ANGPTL1: variants seen among roughly 807,000 people sequenced by gnomAD.
The protein encoded by ANGPTL1 is angiopoietin like 1.
A neutral mutation model predicts 46.7 loss-of-function variants in ANGPTL1; 36 were observed. The ratio of observed to expected loss-of-function variants is 0.77; its 90% confidence interval spans 0.59 to 1.02. The LOEUF is 1.02. ANGPTL1 is among the 50% of genes least tolerant of loss of function. The probability of loss-of-function intolerance (pLI) is 0.00; values close to 1 mark genes in which losing one functional copy is unlikely to be tolerated. For missense variants in ANGPTL1, 571 were observed against 594.7 expected (o/e 0.96, Z 0.41); for synonymous variants, 221 against 204.3 (o/e 1.08, Z -0.69).
At chr1:178,862,827 T>G (rs907691678) in intron 3 of ANGPTL1, among the ~76,000 whole-genome samples, 10 of 152,108 alleles carry the variant, frequency 6.6e-5, no homozygotes, top group African/African-American at 2.2e-4. Flanking sequence ...CTAAGCAAAT[T>G]GGACTTTTTC....
intron 1 of ANGPTL1, among the ~76,000 whole-genome samples, chr1:178,869,470 G>C (rs2102347552): frequency 6.6e-6 from 1 of 152,160 alleles, no homozygotes; most frequent in African/African-American, 2.4e-5. Context: ...TGTGTAATTT[G>C]GGGTTCAGAT....
rs1345612705 is a variant in ANGPTL1 at position 178,853,694 on chromosome 1, T to G, written c.917A>C (p.Gln306Pro). The change falls in exon 4 of 6, where the codon CAG becomes CCG. Residue 306 changes from glutamine (Q) to proline (P), a missense_variant. Physicochemically the swap from Gln to Pro is moderately conservative, Grantham distance 76. Transcript: ENST00000234816. ...GTCCAAACTGTTTTCACACCATAAC[T>G]GCATTGGTCCATTGCTGTTTTCAGG... Reference protein sequence around the residue: ...IKPENSNGPMQLWCENSLDPG... With the variant: ...IKPENSNGPMPLWCENSLDPG... The G allele has an allele frequency of 1.2e-6, 2 of 1,613,074 alleles. No homozygotes were observed. Among genetic ancestry groups the G allele is most frequent in the Non-Finnish European group, 1.7e-6 (2 of 1,179,500 alleles).
At chr1:178,859,976 C>G (rs1320058186) in intron 3 of ANGPTL1, among the ~76,000 whole-genome samples, 1 of 151,950 alleles carries the variant, frequency 6.6e-6, no homozygotes, top group Admixed American at 6.6e-5. Flanking sequence ...CTCGGCTACA[C>G]AAAGCACTTC....
At position 178,851,228 on chromosome 1, in the gene ANGPTL1, A is replaced by G. The variant is rs1312038094; in HGVS notation, c.1377T>C (p.His459=). 1 of 1,613,996 alleles carries G rather than the reference A, an allele frequency of 6.2e-7. No homozygotes were observed. The highest frequency in any genetic ancestry group is 8.5e-7 in the Non-Finnish European group (1 of 1,179,928). ...NLNGVWYRGG[H]YRSKHQDGIF... is the part of the protein sequence containing the mutation. ...TTCCATCTTGGTGCTTGCTTCTGTA[A>G]TGGCCTCCTCTGTACCATACTCCAT... The change falls in exon 6 of 6, where the codon CAT becomes CAC. Residue 459 remains histidine, a synonymous_variant. Transcript: ENST00000234816.
At chr1:178,851,920 C>A (rs373416909) in intron 5 of ANGPTL1, among the ~76,000 whole-genome samples, 4 of 151,952 alleles carry the variant, frequency 2.6e-5, no homozygotes, top group African/African-American at 9.7e-5. Flanking sequence ...TGTATCAGGA[C>A]GAGAAGAAAC....
intron 2 of ANGPTL1, among the ~76,000 whole-genome samples, chr1:178,866,321 AT>A (rs1203481228): frequency 1.3e-5 from 2 of 152,308 alleles, no homozygotes; most frequent in East Asian, 3.9e-4. Context: ...TCTGTAATAA[AT>A]TATGTCATCT....
chr1:178,865,349 C>T lies in ANGPTL1; in HGVS notation c.428G>A (p.Arg143His), dbSNP rs183228072. 11 of 1,614,022 alleles carry T rather than the reference C, an allele frequency of 6.8e-6. No homozygotes were observed. Among genetic ancestry groups the T allele is most frequent in the African/African-American group, 5.3e-5 (4 of 75,034 alleles). Reference sequence around the variant, plus strand: ...AAGTTCAAGTGAATTATCCCTCTTACGGATAATCTCATGTAATAATTGCAT... The same window carrying T: ...AAGTTCAAGTGAATTATCCCTCTTATGGATAATCTCATGTAATAATTGCAT... Reference protein sequence around the residue: ...LYMQLLHEIIRKRDNSLELSQ... With the variant: ...LYMQLLHEIIHKRDNSLELSQ... The change falls in exon 3 of 6, where the codon CGT becomes CAT. Residue 143 changes from arginine (R) to histidine (H), a missense_variant. Transcript: ENST00000234816.
intron 4 of ANGPTL1, 54 bp downstream of exon 4, chr1:178,853,540 T>G: frequency 7.6e-7 from 1 of 1,324,114 alleles, no homozygotes; most frequent in Non-Finnish European, 1.0e-6. Context: ...GTTTCTTGCA[T>G]TATTGCAAGA....
intron 2 of ANGPTL1, among the ~76,000 whole-genome samples, chr1:178,868,390 T>G (rs2102344912): frequency 6.6e-6 from 1 of 152,066 alleles, no homozygotes; most frequent in East Asian, 1.9e-4. Context: ...GTCCATTCAT[T>G]TTAATACTAG....
At chr1:178,857,747 GTTTACA>G (rs1657686791) in intron 3 of ANGPTL1, among the ~76,000 whole-genome samples, 1 of 152,116 alleles carries the variant, frequency 6.6e-6, no homozygotes, top group African/African-American at 2.4e-5. Flanking sequence ...AGTTTTGACA[GTTTACA>G]TTTAAGTATA....
At chr1:178,861,682 C>G (rs928163178) in intron 3 of ANGPTL1, among the ~76,000 whole-genome samples, 1 of 152,178 alleles carries the variant, frequency 6.6e-6, no homozygotes, top group Non-Finnish European at 1.5e-5. Context: ...AAAATTCACA[C>G]AGCTCAATTA....
intron 3 of ANGPTL1, among the ~76,000 whole-genome samples, chr1:178,863,793 G>A (rs1658199803): frequency 6.6e-6 from 1 of 152,106 alleles, no homozygotes; most frequent in South Asian, 2.1e-4. Context: ...AGTGAAGGAA[G>A]AATATTAAAA....
In ANGPTL1 at chr1:178,852,919, A is replaced by T. The variant is rs1202983379; in HGVS notation, c.1052T>A (p.Leu351His). The T allele has an allele frequency of 6.2e-7, 1 of 1,613,054 alleles. No homozygotes were observed. The highest frequency in any genetic ancestry group is 1.7e-5 in the Admixed American group (1 of 59,808). The change falls in exon 5 of 6, where the codon CTT becomes CAT. Residue 351 changes from leucine (L) to histidine (H), a missense_variant. Transcript: ENST00000234816. ...GFGNIDGEYWLGLENIYMLSN... is the reference protein window; with the variant it reads ...GFGNIDGEYWHGLENIYMLSN... ...AAGCATATAGATATTTTCCAGTCCA[A>T]GCCAGTATTCTCCGTCAATGTTTCC...
chr1:178,852,402 T>A (rs1389826338), intron 5 of ANGPTL1, among the ~76,000 whole-genome samples: 1 of 152,210 alleles, frequency 6.6e-6, no homozygotes, highest in South Asian at 2.1e-4. Flanking sequence ...TAGTATTTGT[T>A]ATGAATTGTA....
At position 178,871,028 on chromosome 1, in the gene ANGPTL1, A is replaced by G. The variant is rs1658728284; in HGVS notation, c.-424T>C. The G allele has an allele frequency of 6.6e-6, 1 of 152,248 alleles. No homozygotes were observed. The highest frequency in any genetic ancestry group is 1.5e-5 in the Non-Finnish European group (1 of 68,070). The allele number at this position is 152,248 out of a possible 1,614,324, so 9.4% of individuals were successfully genotyped here. ...GTTGTGGCTTTGCTCTGTCTGCCAC[A>G]TGGAGAAATGCAGTAACCAGCTGCA... On this transcript the variant is annotated 5_prime_UTR_variant, in exon 1 of 6. An upstream start codon of the reference 5' UTR is lost. Coordinates refer to ENST00000234816, the MANE Select transcript of ANGPTL1 (RefSeq NM_004673.4).
chr1:178,850,232 T>C lies in ANGPTL1; in HGVS notation c.*897A>G, dbSNP rs1657085110. Reference sequence around the variant, plus strand: ...AGCTGTCCAAACTTTCTGATTTGAATTGCAGATTGGTTGGGTTTTTTTTTC... The same window carrying C: ...AGCTGTCCAAACTTTCTGATTTGAACTGCAGATTGGTTGGGTTTTTTTTTC... On this transcript the variant is annotated 3_prime_UTR_variant, in exon 6 of 6. Coordinates refer to ENST00000234816, the MANE Select transcript of ANGPTL1 (RefSeq NM_004673.4). The C allele has an allele frequency of 6.6e-6, 1 of 152,634 alleles. No individual in the cohort carries two copies. The highest frequency in any genetic ancestry group is 1.5e-5 in the Non-Finnish European group (1 of 68,034). 9.5% of individuals were successfully genotyped at this position (152,634 alleles called of 1,614,324 possible). A position where few individuals can be genotyped will look rare whatever the true frequency, so the allele number is the denominator to read the frequency against.
rs761000586 is a variant in ANGPTL1 at position 178,865,716 on chromosome 1, A to T, written c.61T>A (p.Cys21Ser). The T allele has an allele frequency of 1.2e-6, 2 of 1,613,644 alleles. No homozygotes were observed. The highest frequency in any genetic ancestry group is 4.5e-5 in the East Asian group (2 of 44,878). Residue 21 changes from cysteine to serine, a missense_variant, in exon 3 of 6, where the codon TGC becomes AGC. Transcript: ENST00000234816. ...LFFLLVDTGH[C>S]RGGQFKIKKI... ...TTAATTTTGAATTGTCCACCTCTGCAATGTCCAGTGTCCACTAGTAGGAAG... is the reference window on the plus strand; with the variant it reads ...TTAATTTTGAATTGTCCACCTCTGCTATGTCCAGTGTCCACTAGTAGGAAG...
chr1:178,864,875 A>G, intron 3 of ANGPTL1, 79 bp downstream of exon 3: 1 of 992,680 alleles, frequency 1.0e-6, no homozygotes, highest in Non-Finnish European at 1.4e-6. Flanking sequence ...ATGAATAAGC[A>G]TTTATTATGA....
At chr1:178,859,824 C>A (rs1234473641) in intron 3 of ANGPTL1, among the ~76,000 whole-genome samples, 1 of 70,918 alleles carries the variant, frequency 1.4e-5, no homozygotes, top group South Asian at 7.4e-4. Context: ...CTGCCCGCCC[C>A]CCCCCCCCCA....
Sources: allele counts gnomAD v4.1 joint callset (sites outside exome capture counted in the v4.1 genomes callset), GRCh38; gene constraint gnomAD v4.1.1; transcripts MANE v1.5; gene names NCBI Gene and HGNC (gene_info 2026-07-23, HGNC 2026-07-21).